Variants in GDA observed in about 807,000 individuals in gnomAD.
GDA encodes the protein cytoplasmic PSD-95 interactor.
A neutral mutation model predicts 59.6 loss-of-function variants in GDA; 18 were observed. The observed-to-expected ratio is 0.30, with a 90% confidence interval of 0.21 to 0.45. The LOEUF (loss-of-function observed/expected upper bound fraction) is 0.45. Ranked by LOEUF, GDA falls within the 20% of genes least tolerant of loss-of-function variation. The pLI, the probability that GDA is intolerant of heterozygous loss-of-function variation, is 1.00. For missense variants in GDA, 427 were observed against 552.3 expected, an observed-to-expected ratio of 0.77 and a Z score of 2.27; for synonymous variants, 201 against 201.1, an observed-to-expected ratio of 1.00 and a Z score of 0.00.
intron 1 of GDA, among the ~76,000 whole-genome samples, chr9:72,187,233 C>T (rs1026524091): frequency 1.8e-4 from 27 of 152,202 alleles, no homozygotes; most frequent in Non-Finnish European, 5.9e-5. Flanking sequence ...CATGTTGAAA[C>T]TCAATTGCCA....
intron 1 of GDA, among the ~76,000 whole-genome samples, chr9:72,155,803 T>A (rs1030132214): frequency 2.0e-5 from 3 of 152,212 alleles, no homozygotes; most frequent in Non-Finnish European, 2.9e-5. Flanking sequence ...AGTTATCAAC[T>A]GAGATATGAA....
intron 12 of GDA, among the ~76,000 whole-genome samples, chr9:72,245,944 T>C (rs1363998507): frequency 2.0e-5 from 3 of 152,330 alleles, no homozygotes; most frequent in Admixed American, 2.0e-4. Context: ...AGTATTGCCA[T>C]TTCTAAATTG....
intron 1 of GDA, among the ~76,000 whole-genome samples, chr9:72,121,173 T>C (rs1293882058): frequency 6.6e-6 from 1 of 152,224 alleles, no homozygotes; most frequent in Non-Finnish European, 1.5e-5. Flanking sequence ...TCAACCTCTT[T>C]TTACGGTTGA....
rs141315276 is a variant in GDA, at chr9:72,213,262, G to A, written c.473-624G>A. ...CAGGCTGGTGACAGAGTGAGACTCCGTCTCAAAAACAAAACAAACAAACAA... is the reference window on the plus strand; with the variant it reads ...CAGGCTGGTGACAGAGTGAGACTCCATCTCAAAAACAAAACAAACAAACAA... On this transcript the variant is annotated intron_variant, in intron 4 of 13. Coordinates refer to ENST00000358399, the MANE Select transcript of GDA (RefSeq NM_004293.5). Among the ~76,000 whole-genome samples the A allele has an allele frequency of 3.5e-3, 530 of 152,174 alleles. 6 individuals carry two copies. Among genetic ancestry groups the A allele is most frequent in the African/African-American group, 0.012 (500 of 41,480 alleles).
chr9:72,258,672 G>C (rs1177110160), downstream of GDA, among the ~76,000 whole-genome samples: 1 of 152,246 alleles, frequency 6.6e-6, no homozygotes. Context: ...TCAGGGCTCT[G>C]TCCCTGCCCA....
intron 10 of GDA, among the ~76,000 whole-genome samples, chr9:72,240,730 G>T (rs1839515796): frequency 6.6e-6 from 1 of 152,270 alleles, no homozygotes; most frequent in East Asian, 1.9e-4. Flanking sequence ...GGCAGAGATT[G>T]GAGTGATGCT....
chr9:72,195,169 T>TG (rs1833001802), intron 1 of GDA, among the ~76,000 whole-genome samples: 1 of 152,110 alleles, frequency 6.6e-6, no homozygotes, highest in African/African-American at 2.4e-5. Flanking sequence ...TTGCAGGGGG[T>TG]GATTGGTGAA....
intron 6 of GDA, 90 bp downstream of exon 6, chr9:72,219,596 A>G (rs1836598694): frequency 1.1e-6 from 1 of 878,202 alleles, no homozygotes; most frequent in Non-Finnish European, 1.8e-6. Flanking sequence ...TAGTCTGTGT[A>G]CGACTGGCTT....
At chr9:72,214,019 C>A in intron 5 of GDA, 28 bp downstream of exon 5, 1 of 1,227,022 alleles carries the variant, frequency 8.1e-7, no homozygotes, top group Non-Finnish European at 1.2e-6. Context: ...CTTGATTTGT[C>A]TTACAGGTGA....
intron 1 of GDA, among the ~76,000 whole-genome samples, chr9:72,169,578 C>T (rs770904347): frequency 2.6e-5 from 4 of 152,172 alleles, no homozygotes; most frequent in Admixed American, 1.3e-4. Flanking sequence ...TTTGCAGGTT[C>T]GTATAAATTT....
chr9:72,133,930 C>T (rs1244089473), intron 1 of GDA, among the ~76,000 whole-genome samples: 1 of 152,158 alleles, frequency 6.6e-6, no homozygotes, highest in African/African-American at 2.4e-5. Context: ...CATCAGGTTC[C>T]AAGGTTTAGC....
chr9:72,125,262 CCAGAGA>C (rs1825804199), intron 1 of GDA, among the ~76,000 whole-genome samples: 1 of 152,018 alleles, frequency 6.6e-6, no homozygotes, highest in Non-Finnish European at 1.5e-5. Context: ...CCTGGAGAGG[CCAGAGA>C]AGGATCCTTC....
chr9:72,144,184 T>A (rs1047955107), intron 1 of GDA, among the ~76,000 whole-genome samples: 1 of 152,192 alleles, frequency 6.6e-6, no homozygotes, highest in Non-Finnish European at 1.5e-5. Flanking sequence ...ATGGTGTCAA[T>A]GCACTCCAGC....
chr9:72,160,775 G>A (rs1828523931), intron 1 of GDA, among the ~76,000 whole-genome samples: 1 of 152,156 alleles, frequency 6.6e-6, no homozygotes, highest in Non-Finnish European at 1.5e-5. Flanking sequence ...GATAAACCCA[G>A]GCCTGGCCTT....
intron 10 of GDA, among the ~76,000 whole-genome samples, chr9:72,239,237 T>C (rs374355940): frequency 3.4e-4 from 52 of 152,266 alleles, no homozygotes; most frequent in Admixed American, 1.2e-3. Flanking sequence ...GAGCACAAAA[T>C]TGTTTTTTGG....
intron 1 of GDA, among the ~76,000 whole-genome samples, chr9:72,192,836 T>C (rs368917328): frequency 1.1e-4 from 17 of 151,858 alleles, no homozygotes; most frequent in African/African-American, 3.9e-4. Context: ...GCCGAGATGG[T>C]GCCACTGCAC....
At chr9:72,138,378 T>G (rs1413750945) in intron 1 of GDA, among the ~76,000 whole-genome samples, 6 of 152,214 alleles carry the variant, frequency 3.9e-5, no homozygotes, top group Non-Finnish European at 8.8e-5. Flanking sequence ...TCCAAGATGA[T>G]GGTGCTCCTG....
chr9:72,219,526 G>T lies in GDA; in HGVS notation c.606+20G>T. ...AAGAACGTGAGTAACTTTGTTCAGAGCTCGCTTTTAGATTGCCTTTGCATT... is the reference window on the plus strand; with the variant it reads ...AAGAACGTGAGTAACTTTGTTCAGATCTCGCTTTTAGATTGCCTTTGCATT... On this transcript the variant is annotated intron_variant, in intron 6 of 13. Transcript: ENST00000358399. The T allele has an allele frequency of 6.3e-7, 1 of 1,585,582 alleles. No individual in the cohort carries two copies. The highest frequency in any genetic ancestry group is 8.6e-7 in the Non-Finnish European group (1 of 1,159,632).
chr9:72,135,243 T>C (rs991352887), intron 1 of GDA, among the ~76,000 whole-genome samples: 10 of 151,928 alleles, frequency 6.6e-5, no homozygotes, highest in Admixed American at 1.3e-4. Flanking sequence ...TGTGTGTGTG[T>C]GCGTTTTCAA....
Sources: gnomAD v4.1 joint callset for allele counts (sites outside exome capture counted in the v4.1 genomes callset) on GRCh38, gnomAD v4.1.1 for gene constraint, MANE v1.5 for transcripts, NCBI Gene and HGNC (gene_info 2026-07-23, HGNC 2026-07-21) for gene names.